The following DNMBP variants were observed in gnomAD, a reference collection of about 807,000 sequenced individuals.
DNMBP encodes dynamin binding protein.
In DNMBP, 87 loss-of-function variants were observed where a neutral mutation model predicts 150.0. The observed-to-expected ratio is 0.58, with a 90% CI of 0.49 to 0.69. DNMBP has a LOEUF of 0.69. Among genes scored for constraint, DNMBP ranks in the 30% least tolerant of loss-of-function variants. The pLI is 0.00. For synonymous variants in DNMBP, 711 were observed against 750.4 expected, an observed-to-expected ratio of 0.95 and a Z score of 0.86; for missense variants, 1,774 against 1,949.0, an observed-to-expected ratio of 0.91 and a Z score of 1.69.
intron 1 of DNMBP, among the ~76,000 whole-genome samples, chr10:99,996,744 T>G (rs1186198585): frequency 6.6e-6 from 1 of 152,198 alleles, no homozygotes; most frequent in Non-Finnish European, 1.5e-5. Flanking sequence ...TTGAGATACT[T>G]TCTTCTTACA....
intron 11 of DNMBP, among the ~76,000 whole-genome samples, chr10:99,892,484 G>T (rs1322800655): frequency 7.9e-6 from 1 of 127,338 alleles, no homozygotes; most frequent in East Asian, 2.0e-4. Flanking sequence ...TCTGAAACAT[G>T]TGCTGTGTCC....
intron 1 of DNMBP, among the ~76,000 whole-genome samples, chr10:99,995,072 T>TTTTG: frequency 6.7e-6 from 1 of 148,236 alleles, no homozygotes; most frequent in Admixed American, 6.7e-5. Flanking sequence ...TTTTTTTTTT[T>TTTTG]GAGACAGTCT....
chr10:99,878,757 C>T (rs578227558), intron 16 of DNMBP, among the ~76,000 whole-genome samples: 11 of 152,202 alleles, frequency 7.2e-5, no homozygotes, highest in South Asian at 6.2e-4. Context: ...CACTGAAGAG[C>T]GAGCAAAGGC....
chr10:99,922,112 C>G (rs184684481), intron 4 of DNMBP, among the ~76,000 whole-genome samples: 2 of 152,262 alleles, frequency 1.3e-5, no homozygotes, highest in East Asian at 3.9e-4. Context: ...TGTCACACCC[C>G]TGTAGCCTGT....
chr10:99,897,988 A>G, intron 9 of DNMBP, 98 bp downstream of exon 9: 1 of 1,005,698 alleles, frequency 9.9e-7, no homozygotes, highest in South Asian at 1.4e-5. Flanking sequence ...TATACCTACC[A>G]CCTGCCTTGT....
chr10:99,916,603 G>A (rs1032597602), intron 4 of DNMBP, among the ~76,000 whole-genome samples: 2 of 151,798 alleles, frequency 1.3e-5, no homozygotes, highest in African/African-American at 4.8e-5. Flanking sequence ...AGTTAAAATC[G>A]AGGGCAAAGA....
chr10:99,979,064 C>T (rs1035413229), intron 1 of DNMBP, among the ~76,000 whole-genome samples: 18 of 152,126 alleles, frequency 1.2e-4, no homozygotes, highest in African/African-American at 4.3e-4. Context: ...TTTACAGGTC[C>T]TCCTATTTTC....
chr10:99,986,971 G>A (rs1034391724), intron 1 of DNMBP, among the ~76,000 whole-genome samples: 8 of 150,876 alleles, frequency 5.3e-5, no homozygotes, highest in East Asian at 4.0e-4. Flanking sequence ...TGGCTAACAC[G>A]GTGAAACCCC....
chr10:99,920,019 A>G (rs2040005161), intron 4 of DNMBP, among the ~76,000 whole-genome samples: 1 of 152,206 alleles, frequency 6.6e-6, no homozygotes, highest in African/African-American at 2.4e-5. Flanking sequence ...GTAAGTGTTT[A>G]GGTTTTATTT....
intron 1 of DNMBP, among the ~76,000 whole-genome samples, chr10:99,975,900 C>T (rs2040723661): frequency 6.6e-6 from 1 of 152,192 alleles, no homozygotes; most frequent in African/African-American, 2.4e-5. Flanking sequence ...TTGAGTACTT[C>T]CTAGGTACAT....
intron 4 of DNMBP, among the ~76,000 whole-genome samples, chr10:99,918,938 G>A (rs530467429): frequency 1.4e-4 from 22 of 152,190 alleles, no homozygotes; most frequent in Non-Finnish European, 1.8e-4. Context: ...TAAAATAATC[G>A]ACACAGCAAA....
chr10:99,884,043 C>T lies in DNMBP; in HGVS notation c.3965G>A (p.Gly1322Asp). ...GTCAATCAGCCAGCGGTTCTGGCTG[C>T]CCATGGGGTCTTTTTTCTTAATCAC... ...VGVIKKKDPM[G>D]SQNRWLIDNG... The change falls in exon 15 of 17, where the codon GGC becomes GAC. Residue 1322 changes from glycine (G) to aspartate (D), a missense_variant. Around this residue, in one of 2 missense-constraint regions of DNMBP, gnomAD observed 1,430 missense variants for 1,492.5 expected, o/e 0.96. Transcript: ENST00000324109. 6.2e-7 allele frequency: 1 copy of T among 1,614,016 alleles called. No homozygotes were observed.
chr10:100,000,859 CAAAAAAAAAAAAAAAAA>C (rs36026874), intron 1 of DNMBP, among the ~76,000 whole-genome samples: 1 of 52,510 alleles, frequency 1.9e-5, no homozygotes, highest in Non-Finnish European at 4.0e-5. Context: ...CCTGTTATGG[CAAAAAAAAAAAAAAAAA>C]AAAAAAAAAA....
intron 1 of DNMBP, among the ~76,000 whole-genome samples, chr10:99,986,615 A>G (rs1031022094): frequency 8.0e-6 from 1 of 125,368 alleles, no homozygotes; most frequent in African/African-American, 3.0e-5. Context: ...AAAAAAAAAA[A>G]AAAAAAAAAA....
chr10:99,968,542 G>A (rs534239489), intron 3 of DNMBP, among the ~76,000 whole-genome samples: 1 of 152,130 alleles, frequency 6.6e-6, no homozygotes, highest in African/African-American at 2.4e-5. Context: ...CTAAAAATTA[G>A]CCCAGCGTGG....
At chr10:99,904,628 C>T (rs2039797401) in intron 6 of DNMBP, among the ~76,000 whole-genome samples, 1 of 152,176 alleles carries the variant, frequency 6.6e-6, no homozygotes, top group South Asian at 2.1e-4. Flanking sequence ...AGCCCCACCA[C>T]CCACCATCCC....
At chr10:99,970,900 A>G (rs2133353418) in intron 2 of DNMBP, among the ~76,000 whole-genome samples, 1 of 131,728 alleles carries the variant, frequency 7.6e-6, no homozygotes, top group Admixed American at 9.2e-5. Context: ...TGAACCTGGG[A>G]GGTAGAGCTT....
At chr10:99,961,229 C>T (rs2040559830) in intron 3 of DNMBP, among the ~76,000 whole-genome samples, 2 of 133,328 alleles carry the variant, frequency 1.5e-5, no homozygotes, top group Non-Finnish European at 3.3e-5. Flanking sequence ...TTCCTTTTTT[C>T]TTCTAATTCC....
chr10:99,891,746 G>A (rs962354203), intron 11 of DNMBP, among the ~76,000 whole-genome samples: 3 of 112,920 alleles, frequency 2.7e-5, no homozygotes, highest in South Asian at 2.7e-4. Flanking sequence ...CTTCCCGGCC[G>A]CCATCACATC....
Sources: gnomAD v4.1 joint callset for allele counts (sites outside exome capture counted in the v4.1 genomes callset) on GRCh38, gnomAD v4.1.1 for gene constraint, gnomAD v4.1.1 regional missense constraint, MANE v1.5 for transcripts, NCBI Gene and HGNC (gene_info 2026-07-23, HGNC 2026-07-21) for gene names.